Variants in PCDHGA12 observed in about 807,000 individuals in gnomAD.
PCDHGA12 encodes the protein protocadherin gamma-A12.
PCDHGA12 carries 43 observed loss-of-function variants against 61.1 expected under a neutral mutation model. The ratio of observed to expected loss-of-function variants is 0.70; its 90% CI spans 0.55 to 0.91. PCDHGA12 has a LOEUF of 0.91. PCDHGA12 is among the 40% of genes least tolerant of loss of function. PCDHGA12 has a pLI of 0.00. For missense variants in PCDHGA12, 1,236 were observed against 1,227.7 expected (o/e 1.01, Z -0.10); for synonymous variants, 520 against 542.9 (o/e 0.96, Z 0.59).
intron 1 of PCDHGA12, among the ~76,000 whole-genome samples, chr5:141,470,290 C>T (rs1226383020): frequency 1.3e-5 from 2 of 152,148 alleles, no homozygotes; most frequent in Non-Finnish European, 2.9e-5. Context: ...TATTGGTTAA[C>T]TGTTTTTATT....
Position 141,489,493 on chromosome 5 carries a change from G to A in PCDHGA12, c.2425-5314G>A, listed in dbSNP as rs1485293604. ...CCTGAGCTTGATGAGTGGTGCCCTG[G>A]CAGTGAATCAAAAGATTGACCGAGA... On this transcript the variant is annotated intron_variant, in intron 1 of 3. Coordinates refer to ENST00000252085, the MANE Select transcript of PCDHGA12 (RefSeq NM_003735.3). The surrounding 1 kb of genome is among the most constrained non-coding windows in gnomAD (Gnocchi z 4.5). The A allele has an allele frequency of 1.2e-6, 2 of 1,613,960 alleles. No homozygotes were observed. Among genetic ancestry groups the A allele is most frequent in the Non-Finnish European group, 1.7e-6 (2 of 1,180,038 alleles).
At chr5:141,468,774 G>A (rs1229480462) in intron 1 of PCDHGA12, among the ~76,000 whole-genome samples, 4 of 152,028 alleles carry the variant, frequency 2.6e-5, no homozygotes, top group Non-Finnish European at 4.4e-5. Flanking sequence ...GCTGAGGCAG[G>A]AGAATGGCGT....
chr5:141,470,718 G>A (rs916720866), intron 1 of PCDHGA12, among the ~76,000 whole-genome samples: 2 of 152,022 alleles, frequency 1.3e-5, no homozygotes, highest in Non-Finnish European at 2.9e-5. Flanking sequence ...ATTTTTTTGA[G>A]TCAGGGTCTT....
Position 141,477,286 on chromosome 5 carries a change from A to G in PCDHGA12, c.2425-17521A>G, listed in dbSNP as rs1367207950. 1.9e-6 allele frequency: 3 copies of G among 1,614,194 alleles called. No individual in the cohort carries two copies. Among genetic ancestry groups the G allele is most frequent in the Non-Finnish European group, 8.5e-7 (1 of 1,180,034 alleles). ...GCGAGAACGGGCTGGTGACCTGCGA[A>G]GTTCCACCGGGTCTCCCTTTCAGCC... On this transcript the variant is annotated intron_variant, in intron 1 of 3. Coordinates refer to ENST00000252085, the MANE Select transcript of PCDHGA12 (RefSeq NM_003735.3). The surrounding 1 kb of genome is among the most constrained non-coding windows in gnomAD (Gnocchi z 4.9).
chr5:141,432,873 T>A lies in PCDHGA12; in HGVS notation c.2114T>A (p.Leu705Gln), dbSNP rs753576338. ...VAVAAVSCVF[L>Q]AFVILLLALR... ...GTGGCCGCGGTCTCCTGCGTCTTCCTGGCCTTCGTCATCTTGCTGCTGGCG... is the reference window on the plus strand; with the variant it reads ...GTGGCCGCGGTCTCCTGCGTCTTCCAGGCCTTCGTCATCTTGCTGCTGGCG... Residue 705 changes from leucine (L) to glutamine (Q), a missense_variant, in exon 1 of 4, where the codon CTG becomes CAG. By Grantham distance (113) the Leu-to-Gln change is moderately radical (BLOSUM62 -2). Transcript: ENST00000252085. This position sits in a 1 kb window ranked among gnomAD's most constrained non-coding sequence, Gnocchi z 6.0. 1.4e-5 allele frequency: 22 copies of A among 1,614,204 alleles called. No individual in the cohort carries two copies. The highest frequency in any genetic ancestry group is 3.3e-4 in the Middle Eastern group (2 of 6,062).
chr5:141,454,503 T>A (rs988138847), intron 1 of PCDHGA12, among the ~76,000 whole-genome samples: 1 of 152,308 alleles, frequency 6.6e-6, no homozygotes, highest in Non-Finnish European at 1.5e-5. Flanking sequence ...ACCTCCTGGA[T>A]TCAGGCAGTT....
Position 141,486,278 on chromosome 5 carries a change from G to C in PCDHGA12, c.2425-8529G>C, listed in dbSNP as rs774763063. On this transcript the variant is annotated intron_variant, in intron 1 of 3. Coordinates refer to ENST00000252085, the MANE Select transcript of PCDHGA12 (RefSeq NM_003735.3). The surrounding 1 kb of genome is among the most constrained non-coding windows in gnomAD (Gnocchi z 5.0). ...CGAGAGTGCAGAACCTGGCACTGTG[G>C]TGGCACTTATCAGTGTGCAGGATCC... is the stretch of plus-strand genomic sequence containing the variant. 4 of 1,613,970 alleles carry C rather than the reference G, an allele frequency of 2.5e-6. No individual in the cohort carries two copies. In the South Asian group the frequency reaches 4.4e-5, roughly 18 times the overall value.
chr5:141,495,982 T>C (rs2099765062), intron 2 of PCDHGA12, among the ~76,000 whole-genome samples: 2 of 152,144 alleles, frequency 1.3e-5, no homozygotes. Context: ...TACTCTTTCT[T>C]TATCTCTCTT....
intron 1 of PCDHGA12, among the ~76,000 whole-genome samples, chr5:141,469,808 A>C (rs1253675252): frequency 2.0e-5 from 3 of 152,174 alleles, no homozygotes; most frequent in Admixed American, 6.5e-5. Flanking sequence ...AAAACATTGT[A>C]GATAGAATGG....
At chr5:141,441,196 G>C (rs575668023) in intron 1 of PCDHGA12, 2 of 152,266 alleles carry the variant, frequency 1.3e-5, no homozygotes, top group East Asian at 3.9e-4. Flanking sequence ...GATTCCCAAA[G>C]ATTCTGCACC....
Position 141,432,694 on chromosome 5 carries a change from C to A in PCDHGA12, c.1935C>A (p.Ala645=). 1 of 1,613,936 alleles carries A rather than the reference C, an allele frequency of 6.2e-7. No homozygotes were observed. The highest frequency in any genetic ancestry group is 8.5e-7 in the Non-Finnish European group (1 of 1,179,964). Residue 645 remains alanine, a synonymous_variant, in exon 1 of 4, where the codon GCC becomes GCA. Transcript: ENST00000252085. This position sits in a 1 kb window ranked among gnomAD's most constrained non-coding sequence, Gnocchi z 6.0. ...RDALKQSLVV[A]VQDHGQPPLS... Reference sequence around the variant, plus strand: ...CGCTCAAGCAGAGCCTCGTAGTGGCCGTCCAGGACCACGGCCAGCCCCCTC... The same window carrying A: ...CGCTCAAGCAGAGCCTCGTAGTGGCAGTCCAGGACCACGGCCAGCCCCCTC...
Position 141,491,680 on chromosome 5 carries a change from A to G in PCDHGA12, c.2425-3127A>G. The G allele has an allele frequency of 6.2e-7, 1 of 1,613,304 alleles. No individual in the cohort carries two copies. The highest frequency in any genetic ancestry group is 2.2e-5 in the East Asian group (1 of 44,820). ...TGACGCCATCCGGTCCCGCTCTAATACGCTGCGGGAGCGGAGCCAGGTGAG... is the reference window on the plus strand; with the variant it reads ...TGACGCCATCCGGTCCCGCTCTAATGCGCTGCGGGAGCGGAGCCAGGTGAG... On this transcript the variant is annotated intron_variant, in intron 1 of 3. Transcript: ENST00000252085. The surrounding 1 kb of genome is among the most constrained non-coding windows in gnomAD (Gnocchi z 6.9).
intron 1 of PCDHGA12, among the ~76,000 whole-genome samples, chr5:141,447,135 G>GT (rs905717632): frequency 9.9e-5 from 15 of 151,698 alleles, no homozygotes; most frequent in African/African-American, 3.4e-4. Flanking sequence ...TTGTTTGTTT[G>GT]TTTTTTGTTT....
Position 141,491,984 on chromosome 5 carries a change from C to G in PCDHGA12, c.2425-2823C>G. 1.4e-6 allele frequency: 1 copy of G among 734,256 alleles called. No homozygotes were observed. The highest frequency in any genetic ancestry group is 3.2e-5 in the East Asian group (1 of 31,678). The allele number at this position is 734,256 out of a possible 1,614,324, so 45.5% of individuals were successfully genotyped here. ...AAGGCCGGGGCCTCCTTCGAGCTTC[C>G]GGTGAATTTCGGGCGATTTCCGCGG... On this transcript the variant is annotated intron_variant, in intron 1 of 3. Coordinates refer to ENST00000252085, the MANE Select transcript of PCDHGA12 (RefSeq NM_003735.3). The surrounding 1 kb of genome is among the most constrained non-coding windows in gnomAD (Gnocchi z 6.9).
At chr5:141,475,871 A>G (rs568810142) in intron 1 of PCDHGA12, 17 of 513,152 alleles carry the variant, frequency 3.3e-5, no homozygotes, top group Middle Eastern at 5.1e-4. Context: ...TTCTTCGTGC[A>G]GTTATTGGCT....
At chr5:141,450,297 G>A (rs1414677718) in intron 1 of PCDHGA12, among the ~76,000 whole-genome samples, 3 of 151,838 alleles carry the variant, frequency 2.0e-5, no homozygotes, top group Non-Finnish European at 4.4e-5. Context: ...ACAGGCGTGA[G>A]CCACCATGTG....
At chr5:141,452,084 C>CGG (rs1561946918) in intron 1 of PCDHGA12, among the ~76,000 whole-genome samples, 1 of 152,170 alleles carries the variant, frequency 6.6e-6, no homozygotes, top group Non-Finnish European at 1.5e-5. Context: ...TGGCATTATA[C>CGG]AGTAAGAAAG....
At position 141,486,027 on chromosome 5, in the gene PCDHGA12, C is replaced by A. The variant is rs2099623152; in HGVS notation, c.2425-8780C>A. 2 of 1,614,048 alleles carry A rather than the reference C, an allele frequency of 1.2e-6. No individual in the cohort carries two copies. Among genetic ancestry groups the A allele is most frequent in the African/African-American group, 2.7e-5 (2 of 74,912 alleles). On this transcript the variant is annotated intron_variant, in intron 1 of 3. Coordinates refer to ENST00000252085, the MANE Select transcript of PCDHGA12 (RefSeq NM_003735.3). The surrounding 1 kb of genome is among the most constrained non-coding windows in gnomAD (Gnocchi z 5.0). ...GTCACCTTTTATTTCAGTGGTCATA[C>A]CCCTGATCGTGTAAGAAACCTCTTT...
chr5:141,494,844 C>T lies in PCDHGA12; in HGVS notation c.2462C>T (p.Ala821Val). The change falls in exon 2 of 4, where the codon GCC becomes GTC. Residue 821 changes from alanine to valine, a missense_variant. Ala to Val is a moderately conservative substitution (Grantham distance 64). Coordinates refer to ENST00000252085, the MANE Select transcript of PCDHGA12 (RefSeq NM_003735.3). ...PPNTDWRFSQ[A>V]QRPGTSGSQN... The stretch of plus-strand genomic sequence containing the variant: ...AACACGGACTGGCGTTTCTCTCAGG[C>T]CCAGAGACCCGGCACCAGCGGGTAG... The T allele has an allele frequency of 6.2e-7, 1 of 1,614,190 alleles. No homozygotes were observed. The highest frequency in any genetic ancestry group is 8.5e-7 in the Non-Finnish European group (1 of 1,180,028).
Sources: allele counts gnomAD v4.1 joint callset (sites outside exome capture counted in the v4.1 genomes callset), GRCh38; gene constraint gnomAD v4.1.1; non-coding constraint Gnocchi (gnomAD v3.1); transcripts MANE v1.5; gene names NCBI Gene and HGNC (gene_info 2026-07-23, HGNC 2026-07-21).